Variants in TRAPPC12 observed in about 807,000 individuals in gnomAD.
TRAPPC12 encodes trafficking protein particle complex subunit 12.
TRAPPC12 carries 61 observed loss-of-function variants against 69.2 expected under a neutral mutation model. The observed-to-expected ratio is 0.88, with a 90% CI of 0.72 to 1.09. The LOEUF is 1.09. TRAPPC12 is among the 50% of genes least tolerant of loss of function. The probability of loss-of-function intolerance (pLI) is 0.00; values close to 1 mark genes in which losing one functional copy is unlikely to be tolerated. For missense variants in TRAPPC12, 1,101 were observed against 1,016.4 expected, an observed-to-expected ratio of 1.08 and a Z score of -1.13; for synonymous variants, 469 against 438.9, an observed-to-expected ratio of 1.07 and a Z score of -0.86.
At chr2:3,394,864 C>T (rs1368252707) in intron 2 of TRAPPC12, among the ~76,000 whole-genome samples, 1 of 152,120 alleles carries the variant, frequency 6.6e-6, no homozygotes, top group African/African-American at 2.4e-5. Flanking sequence ...TTAGAATAAA[C>T]CACAAAGGGC....
intron 2 of TRAPPC12, among the ~76,000 whole-genome samples, chr2:3,395,684 T>A (rs1340334529): frequency 6.8e-6 from 1 of 146,410 alleles, no homozygotes; most frequent in African/African-American, 2.5e-5. Context: ...TGCCTCACCC[T>A]CCAGAGTAGC....
chr2:3,392,669 G>A (rs573086900), intron 2 of TRAPPC12, among the ~76,000 whole-genome samples: 60 of 152,322 alleles, frequency 3.9e-4, no homozygotes, highest in African/African-American at 8.9e-4. Flanking sequence ...GCTGTTAACC[G>A]AAAACTCTGG....
intron 2 of TRAPPC12, among the ~76,000 whole-genome samples, chr2:3,391,801 G>T (rs1660838598): frequency 6.6e-6 from 1 of 151,968 alleles, no homozygotes; most frequent in Admixed American, 6.6e-5. Flanking sequence ...CCCCCAAGAT[G>T]GCTTTCATGT....
At position 3,387,724 on chromosome 2, in the gene TRAPPC12, A is replaced by G; in HGVS notation, c.101A>G (p.Glu34Gly). 6.2e-7 allele frequency: 1 copy of G among 1,604,138 alleles called. No homozygotes were observed. Among genetic ancestry groups the G allele is most frequent in the Non-Finnish European group, 8.5e-7 (1 of 1,175,360 alleles). Residue 34 changes from glutamate to glycine, a missense_variant, in exon 2 of 12, where the codon GAA (glutamate) becomes GGA (glycine). Glu to Gly is a moderately conservative substitution (Grantham distance 98). Coordinates refer to ENST00000324266, the MANE Select transcript of TRAPPC12 (RefSeq NM_016030.6). ...GAGCAGGGGTTGCTCTTCCAGGAGG[A>G]AACCATCGATCTTGGCGGAGATGAG... ...PEEQGLLFQE[E>G]TIDLGGDEFG...
Position 3,388,647 on chromosome 2 carries a change from G to T in TRAPPC12, c.1024G>T (p.Gly342Cys). Residue 342 changes from glycine to cysteine, a missense_variant, in exon 2 of 12, where the codon GGC (glycine) becomes TGC (cysteine). Transcript: ENST00000324266. ...FVDKENLTMP[G>C]LRFDNIQGDA... Reference sequence around the variant, plus strand: ...GGACAAGGAGAACCTCACCATGCCGGGCCTCAGGTTCGACAACATCCAGGT... The same window carrying T: ...GGACAAGGAGAACCTCACCATGCCGTGCCTCAGGTTCGACAACATCCAGGT... The T allele has an allele frequency of 6.4e-7, 1 of 1,573,868 alleles. No individual in the cohort carries two copies. Among genetic ancestry groups the T allele is most frequent in the Middle Eastern group, 1.7e-4 (1 of 5,990 alleles).
At chr2:3,457,369 C>T (rs1448299792) in intron 6 of TRAPPC12, 3 of 499,740 alleles carry the variant, frequency 6.0e-6, no homozygotes, top group Non-Finnish European at 1.1e-5. Flanking sequence ...TGGCTTCAAT[C>T]GTACCCCAAC....
intron 5 of TRAPPC12, among the ~76,000 whole-genome samples, chr2:3,438,328 ACCCCTGGGTTAGC>A (rs1663979795): frequency 5.3e-5 from 1 of 18,734 alleles, no homozygotes; most frequent in Non-Finnish European, 1.0e-4. Context: ...AGCCCCCATC[ACCCCTGGGTTAGC>A]CCCCATCACC....
chr2:3,457,212 T>G (rs1226051039), intron 6 of TRAPPC12: 1 of 455,268 alleles, frequency 2.2e-6, no homozygotes, highest in Admixed American at 2.4e-5. Flanking sequence ...GAAAACCAAA[T>G]AGTGAATGTT....
chr2:3,423,322 T>TTG (rs34767789), intron 4 of TRAPPC12, among the ~76,000 whole-genome samples: 31,361 of 148,874 alleles, frequency 0.21, 3,430 homozygotes, highest in Middle Eastern at 0.29. Flanking sequence ...TCGCATGCCT[T>TTG]TGTGTGTGTG....
At chr2:3,474,232 A>G (rs1666192622) in intron 9 of TRAPPC12, among the ~76,000 whole-genome samples, 1 of 152,144 alleles carries the variant, frequency 6.6e-6, no homozygotes, top group Admixed American at 6.5e-5. Flanking sequence ...GTTTATTAGG[A>G]GAATTGACTC....
chr2:3,435,747 G>A (rs905928404), intron 5 of TRAPPC12, among the ~76,000 whole-genome samples: 2 of 152,240 alleles, frequency 1.3e-5, no homozygotes, highest in African/African-American at 2.4e-5. Flanking sequence ...GGTTTTAAAC[G>A]CCTGTGTGGT....
At position 3,388,602 on chromosome 2, in the gene TRAPPC12, C is replaced by G. The variant is rs756361030; in HGVS notation, c.979C>G (p.Gln327Glu). 13 of 1,606,284 alleles carry G rather than the reference C, an allele frequency of 8.1e-6. No individual in the cohort carries two copies. The highest frequency in any genetic ancestry group is 1.1e-5 in the Non-Finnish European group (13 of 1,175,840). Residue 327 changes from glutamine (Q) to glutamate (E), a missense_variant, in exon 2 of 12, where the codon CAG (glutamine) becomes GAG (glutamate). Transcript: ENST00000324266. ...AGTCCTGCGGGCCGTGGCCACCCAGCAGCGCGGCGCCGTGTTCGTGGACAA... is the reference window on the plus strand; with the variant it reads ...AGTCCTGCGGGCCGTGGCCACCCAGGAGCGCGGCGCCGTGTTCGTGGACAA... ...RGVLRAVATQ[Q>E]RGAVFVDKEN...
intron 3 of TRAPPC12, among the ~76,000 whole-genome samples, chr2:3,415,259 G>A (rs898038085): frequency 5.9e-5 from 9 of 152,186 alleles, no homozygotes; most frequent in African/African-American, 1.4e-4. Context: ...AAGAAATGAC[G>A]TGAAATGTCC....
intron 3 of TRAPPC12, among the ~76,000 whole-genome samples, chr2:3,403,554 C>T (rs1016690121): frequency 2.0e-5 from 3 of 152,190 alleles, no homozygotes; most frequent in Admixed American, 1.3e-4. Context: ...TTTAAGCAAA[C>T]TTTAGTTCCT....
intron 9 of TRAPPC12, among the ~76,000 whole-genome samples, chr2:3,474,405 C>T (rs1666201433): frequency 6.6e-6 from 1 of 152,158 alleles, no homozygotes; most frequent in African/African-American, 2.4e-5. Context: ...GGTCGGCCTC[C>T]CCCAGCCCAC....
chr2:3,403,452 A>G (rs966302368), intron 3 of TRAPPC12, among the ~76,000 whole-genome samples: 2 of 152,180 alleles, frequency 1.3e-5, no homozygotes, highest in East Asian at 3.9e-4. Context: ...GCTGGTCTTG[A>G]ACTCCTGACC....
intron 5 of TRAPPC12, among the ~76,000 whole-genome samples, chr2:3,431,884 A>G (rs868611633): frequency 7.2e-5 from 11 of 152,268 alleles, no homozygotes; most frequent in Middle Eastern, 6.8e-3. Context: ...GACAAGTTTA[A>G]TTTCATCCTC....
rs372620719 is a variant in TRAPPC12 at position 3,478,830 on chromosome 2, G to T, written c.1878-16G>T. The T allele has an allele frequency of 6.2e-7, 1 of 1,613,132 alleles. No homozygotes were observed. Among genetic ancestry groups the T allele is most frequent in the Non-Finnish European group, 8.5e-7 (1 of 1,179,348 alleles). ...TGGGCTTTCCCCGCTAACTGCCACC[G>T]TTGCTTGTGTTACAGCGCGTTCCTT... On this transcript the variant is annotated splice_polypyrimidine_tract_variant and intron_variant, in intron 10 of 11. Transcript: ENST00000324266.
rs113246142 is a variant in TRAPPC12, at chr2:3,478,038, G to A, written c.1877+243G>A. 1.0e-3 allele frequency: 373 copies of A among 361,214 alleles called. 3 individuals carry two copies. The highest frequency in any genetic ancestry group is 7.2e-3 in the African/African-American group (349 of 48,466). 22.4% of individuals were successfully genotyped at this position (361,214 alleles called of 1,614,324 possible). On this transcript the variant is annotated intron_variant, in intron 10 of 11. Transcript: ENST00000324266. The stretch of plus-strand genomic sequence containing the variant: ...CCCCTTGTTCTTCAGAGAAGCGCTT[G>A]TATTGCCCCCGTTTTCAGCGTATGT...
Sources: allele counts gnomAD v4.1 joint callset (sites outside exome capture counted in the v4.1 genomes callset), GRCh38; gene constraint gnomAD v4.1.1; transcripts MANE v1.5; gene names NCBI Gene and HGNC (gene_info 2026-07-23, HGNC 2026-07-21).